Variants in KIAA1328 observed in about 807,000 individuals in gnomAD.
The protein encoded by KIAA1328 is KIAA1328.
In KIAA1328, 52 loss-of-function variants were observed where a neutral mutation model predicts 68.1. The observed-to-expected ratio is 0.76, with a 90% CI of 0.61 to 0.96. The LOEUF (loss-of-function observed/expected upper bound fraction) is 0.96. Ranked by LOEUF, KIAA1328 falls within the 40% of genes least tolerant of loss-of-function variation. The pLI is 0.00. For synonymous variants in KIAA1328, 232 were observed against 239.4 expected (o/e 0.97, Z 0.28); for missense variants, 641 against 677.6 (o/e 0.95, Z 0.60).
chr18:37,016,098 G>A (rs185546228), intron 6 of KIAA1328, among the ~76,000 whole-genome samples: 301 of 152,180 alleles, frequency 2.0e-3, no homozygotes, highest in African/African-American at 6.7e-3. Context: ...GAATGCTTCC[G>A]GTTTTTGCCT....
chr18:37,130,628 A>C (rs2058500694), intron 7 of KIAA1328, among the ~76,000 whole-genome samples: 1 of 152,070 alleles, frequency 6.6e-6, no homozygotes. Flanking sequence ...AAAAAAAAAG[A>C]AAAAAGAAAT....
chr18:36,899,311 A>G lies in KIAA1328; in HGVS notation c.448+13639A>G, dbSNP rs1486109921. On this transcript the variant is annotated intron_variant, in intron 5 of 9. Transcript: ENST00000280020. ...AGGCATTATTTCTGTCTTGTACACT[A>G]TTGTATACTGAGATTCTAATACACT... is the stretch of plus-strand genomic sequence containing the variant. 2.0e-5 allele frequency among the ~76,000 whole-genome samples: 3 copies of G among 151,826 alleles called. No individual in the cohort carries two copies. In the East Asian group the frequency reaches 5.8e-4, roughly 29 times the overall value.
At chr18:37,214,401 T>C (rs1274834413) in intron 9 of KIAA1328, among the ~76,000 whole-genome samples, 1 of 152,244 alleles carries the variant, frequency 6.6e-6, no homozygotes, top group East Asian at 1.9e-4. Flanking sequence ...ATTTATTAAA[T>C]AGGGAATCCT....
At chr18:37,195,820 T>A (rs192549371) in intron 9 of KIAA1328, among the ~76,000 whole-genome samples, 1 of 152,322 alleles carries the variant, frequency 6.6e-6, no homozygotes, top group African/African-American at 2.4e-5. Context: ...TTGGGATTTT[T>A]AAAAATTTCT....
chr18:36,962,928 CAA>C (rs1293511747), intron 6 of KIAA1328, among the ~76,000 whole-genome samples: 1 of 152,078 alleles, frequency 6.6e-6, no homozygotes, highest in Non-Finnish European at 1.5e-5. Context: ...CAAGAGCAAA[CAA>C]ATTCAAAAGC....
In KIAA1328 at chr18:37,196,013, C is replaced by A. The variant is rs1052907407; in HGVS notation, c.1523+22932C>A. 2.6e-5 allele frequency among the ~76,000 whole-genome samples: 4 copies of A among 151,974 alleles called. No homozygotes were observed. The East Asian group carries it at 5.8e-4, about 22-fold the overall frequency. ...TATAGTTTTCCTTATAGAGATCTTT[C>A]TTTTTTTGGTTAAATTTATTCCTAT... On this transcript the variant is annotated intron_variant, in intron 9 of 9. Coordinates refer to ENST00000280020, the MANE Select transcript of KIAA1328 (RefSeq NM_020776.3).
At chr18:37,014,187 G>A (rs552715920) in intron 6 of KIAA1328, among the ~76,000 whole-genome samples, 1 of 152,142 alleles carries the variant, frequency 6.6e-6, no homozygotes, top group South Asian at 2.1e-4. Flanking sequence ...TTTTTATGAT[G>A]GCATTTGGTT....
At chr18:37,040,823 T>G (rs2055216765) in intron 6 of KIAA1328, among the ~76,000 whole-genome samples, 1 of 151,910 alleles carries the variant, frequency 6.6e-6, no homozygotes, top group Non-Finnish European at 1.5e-5. Flanking sequence ...TGATTTTAGA[T>G]GTATATTAAT....
At chr18:37,182,911 T>A (rs535718801) in intron 9 of KIAA1328, among the ~76,000 whole-genome samples, 4 of 152,172 alleles carry the variant, frequency 2.6e-5, no homozygotes, top group Non-Finnish European at 5.9e-5. Flanking sequence ...CAAGACTTCT[T>A]TGGGCATCTA....
intron 5 of KIAA1328, among the ~76,000 whole-genome samples, chr18:36,914,181 A>G (rs1488543307): frequency 1.3e-5 from 2 of 152,186 alleles, no homozygotes; most frequent in African/African-American, 4.8e-5. Context: ...TATAATACAG[A>G]TGGAGTGAAG....
chr18:36,988,165 A>T (rs1344129044), intron 6 of KIAA1328, among the ~76,000 whole-genome samples: 1 of 152,206 alleles, frequency 6.6e-6, no homozygotes, highest in African/African-American at 2.4e-5. Flanking sequence ...TATATGAGCA[A>T]TCAATTCTAA....
chr18:37,161,054 A>G (rs1315884252), intron 8 of KIAA1328, among the ~76,000 whole-genome samples: 1 of 152,188 alleles, frequency 6.6e-6, no homozygotes, highest in East Asian at 1.9e-4. Flanking sequence ...TTTATTGTAC[A>G]GAAAAGATGT....
chr18:36,914,145 C>A (rs534727680), intron 5 of KIAA1328, among the ~76,000 whole-genome samples: 78 of 152,254 alleles, frequency 5.1e-4, no homozygotes, highest in Non-Finnish European at 9.7e-4. Flanking sequence ...TTTAGTTTTT[C>A]ATTTTCCTAC....
intron 6 of KIAA1328, among the ~76,000 whole-genome samples, chr18:37,023,338 C>T (rs574474254): frequency 3.3e-5 from 5 of 152,182 alleles, no homozygotes; most frequent in Non-Finnish European, 7.3e-5. Context: ...CCTCAGCCCC[C>T]CAAGTAGCTG....
chr18:36,932,039 A>T (rs758418968), intron 5 of KIAA1328, among the ~76,000 whole-genome samples: 2 of 151,132 alleles, frequency 1.3e-5, no homozygotes, highest in African/African-American at 4.9e-5. Flanking sequence ...ACTTTCTATC[A>T]GTTTATTTTA....
intron 9 of KIAA1328, among the ~76,000 whole-genome samples, chr18:37,216,832 A>G (rs2060444878): frequency 1.4e-5 from 2 of 147,176 alleles, no homozygotes; most frequent in Admixed American, 1.4e-4. Flanking sequence ...GTGCATATAT[A>G]TTTAGGATAG....
intron 7 of KIAA1328, among the ~76,000 whole-genome samples, chr18:37,070,576 ATT>A (rs1181652398): frequency 7.2e-5 from 10 of 139,516 alleles, no homozygotes; most frequent in Admixed American, 2.9e-4. Context: ...GTCCCCAGTA[ATT>A]TTTTTTTTTT....
intron 6 of KIAA1328, among the ~76,000 whole-genome samples, chr18:36,982,546 A>C (rs925431324): frequency 2.8e-4 from 42 of 152,092 alleles, no homozygotes; most frequent in Non-Finnish European, 2.9e-4. Context: ...AGAAAAAAAA[A>C]CTTTAAAAGC....
chr18:36,834,487 G>GT lies in KIAA1328; in HGVS notation c.94+140dup, dbSNP rs552926029. 2.9e-4 allele frequency: 207 copies of GT among 708,178 alleles called. 2 individuals carry two copies. In the South Asian group the frequency reaches 4.5e-3, roughly 15 times the overall value. 43.9% of individuals were successfully genotyped at this position (708,178 alleles called of 1,614,324 possible). Reference sequence around the variant, plus strand: ...AGCAGTACATCAAAACCTAAAATTTGTTTTTTTTGAATATTTGTCATAACC... The same window carrying GT: ...AGCAGTACATCAAAACCTAAAATTTGTTTTTTTTTGAATATTTGTCATAACC... On this transcript the variant is annotated intron_variant, in intron 2 of 9. Coordinates refer to ENST00000280020, the MANE Select transcript of KIAA1328 (RefSeq NM_020776.3).
Sources: gnomAD v4.1 joint callset for allele counts (sites outside exome capture counted in the v4.1 genomes callset) on GRCh38, gnomAD v4.1.1 for gene constraint, MANE v1.5 for transcripts, NCBI Gene and HGNC (gene_info 2026-07-23, HGNC 2026-07-21) for gene names.